The following NAALADL2 variants were observed in gnomAD, a reference collection of about 807,000 sequenced individuals.
NAALADL2 encodes inactive N-acetylated-alpha-linked acidic dipeptidase-like protein 2.
In NAALADL2, 76 loss-of-function variants were observed where a neutral mutation model predicts 87.2. That is an observed-to-expected ratio of 0.87 (90% CI 0.72 to 1.05). The LOEUF (loss-of-function observed/expected upper bound fraction) is 1.05, where lower values mean the gene tolerates loss of function less well. Among genes scored for constraint, NAALADL2 ranks in the 50% least tolerant of loss-of-function variants. The pLI, the probability that NAALADL2 is intolerant of heterozygous loss-of-function variation, is 0.00. For synonymous variants in NAALADL2, 354 were observed against 331.0 expected (o/e 1.07, Z -0.75); for missense variants, 1,089 against 945.8 (o/e 1.15, Z -1.99).
chr3:175,567,031 T>C (rs1207674613), intron 9 of NAALADL2, among the ~76,000 whole-genome samples: 1 of 152,224 alleles, frequency 6.6e-6, no homozygotes, highest in African/African-American at 2.4e-5. Flanking sequence ...TTTTACATTG[T>C]AAAGATGGAT....
chr3:175,479,605 G>T (rs1454244972), intron 9 of NAALADL2, among the ~76,000 whole-genome samples: 1 of 151,668 alleles, frequency 6.6e-6, no homozygotes, highest in Non-Finnish European at 1.5e-5. Flanking sequence ...TCCACAATTT[G>T]CATTTTTCAG....
intron 9 of NAALADL2, among the ~76,000 whole-genome samples, chr3:175,473,424 G>T (rs1052303270): frequency 1.3e-5 from 2 of 151,854 alleles, no homozygotes; most frequent in African/African-American, 4.8e-5. Context: ...GTGTGTCTGT[G>T]TATGTATGTG....
At position 174,732,112 on chromosome 3, in the gene NAALADL2, T is replaced by C. The variant is rs1038105009; in HGVS notation, c.-114-5529T>C. Reference sequence around the variant, plus strand: ...CTAATTCATCAGTAAGAGACTTGTATCTTTTCTCACAAACCATCTGTATCT... The same window carrying C: ...CTAATTCATCAGTAAGAGACTTGTACCTTTTCTCACAAACCATCTGTATCT... On this transcript the variant is annotated intron_variant, in intron 2 of 3. Coordinates refer to the NAALADL2 transcript ENST00000434257. 7.9e-5 allele frequency among the ~76,000 whole-genome samples: 12 copies of C among 152,172 alleles called. No individual in the cohort carries two copies. In the East Asian group the frequency reaches 9.6e-4, roughly 12 times the overall value.
chr3:175,044,065 T>C (rs1754397072), intron 1 of NAALADL2, among the ~76,000 whole-genome samples: 1 of 152,176 alleles, frequency 6.6e-6, no homozygotes. Flanking sequence ...CAATGTTTTA[T>C]AGTTTTCATC....
At chr3:174,853,181 T>G (rs1336686376) in intron 3 of NAALADL2, among the ~76,000 whole-genome samples, 1 of 112,218 alleles carries the variant, frequency 8.9e-6, no homozygotes. Flanking sequence ...CTGGCCAACA[T>G]GGTGAAACCC....
chr3:174,998,597 A>G (rs948490723), intron 1 of NAALADL2, among the ~76,000 whole-genome samples: 19 of 152,158 alleles, frequency 1.2e-4, no homozygotes, highest in African/African-American at 4.6e-4. Flanking sequence ...GTTCAAATCC[A>G]TGTAACCATT....
chr3:175,582,058 G>A (rs62284486), intron 10 of NAALADL2, among the ~76,000 whole-genome samples: 1 of 152,060 alleles, frequency 6.6e-6, no homozygotes, highest in Non-Finnish European at 1.5e-5. Flanking sequence ...AGAAGAGAAG[G>A]TTAAACTCCA....
chr3:175,731,345 C>T (rs1743714834), intron 11 of NAALADL2, among the ~76,000 whole-genome samples: 1 of 152,092 alleles, frequency 6.6e-6, no homozygotes, highest in Non-Finnish European at 1.5e-5. Flanking sequence ...GTAGGTGCTC[C>T]AGGAAATTTG....
chr3:175,343,655 G>GTTTTTT (rs113806607), intron 5 of NAALADL2, among the ~76,000 whole-genome samples: 23 of 64,712 alleles, frequency 3.6e-4, no homozygotes, highest in African/African-American at 4.6e-4. Context: ...TCTTGATCAT[G>GTTTTTT]TTTTTTTTTT....
chr3:175,700,228 C>G (rs1738796037), intron 11 of NAALADL2, among the ~76,000 whole-genome samples: 1 of 151,980 alleles, frequency 6.6e-6, no homozygotes, highest in South Asian at 2.1e-4. Context: ...TTGAACAATG[C>G]TAAGTGCTAT....
At chr3:174,937,216 A>G (rs929979521) in intron 1 of NAALADL2, among the ~76,000 whole-genome samples, 2 of 152,060 alleles carry the variant, frequency 1.3e-5, no homozygotes, top group African/African-American at 2.4e-5. Flanking sequence ...GCATCCCACA[A>G]TACACTCATT....
intron 10 of NAALADL2, among the ~76,000 whole-genome samples, chr3:175,626,922 C>A (rs527496756): frequency 6.6e-6 from 1 of 151,820 alleles, no homozygotes; most frequent in Non-Finnish European, 1.5e-5. Context: ...TGGTCTTGAA[C>A]TTCAGACCAA....
intron 9 of NAALADL2, among the ~76,000 whole-genome samples, chr3:175,490,554 T>TTTG (rs1727918979): frequency 1.3e-5 from 1 of 79,040 alleles, no homozygotes; most frequent in Non-Finnish European, 2.4e-5. Context: ...GCCTGGCTAG[T>TTTG]TTTTTTTTTT....
chr3:175,518,598 T>C (rs1274447633), intron 9 of NAALADL2, among the ~76,000 whole-genome samples: 1 of 152,216 alleles, frequency 6.6e-6, no homozygotes, highest in South Asian at 2.1e-4. Context: ...TTCCTGCTGA[T>C]GGGGACTCTC....
chr3:175,083,080 T>A (rs1330716420), intron 1 of NAALADL2, among the ~76,000 whole-genome samples: 1 of 152,210 alleles, frequency 6.6e-6, no homozygotes, highest in African/African-American at 2.4e-5. Flanking sequence ...CTGAAAGGCA[T>A]ATGTAAATAA....
In NAALADL2 at chr3:175,805,439, G is replaced by A. The variant is rs530361081; in HGVS notation, c.*2236G>A. ...TTTTTATTAGTCTATTAAAAGATACGTGGAGATATTAAATTATACCTAAAG... is the reference window on the plus strand; with the variant it reads ...TTTTTATTAGTCTATTAAAAGATACATGGAGATATTAAATTATACCTAAAG... On this transcript the variant is annotated 3_prime_UTR_variant, in exon 14 of 14. Coordinates refer to ENST00000454872, the MANE Select transcript of NAALADL2 (RefSeq NM_207015.3). The A allele has an allele frequency of 5.3e-5, 8 of 151,844 alleles. No homozygotes were observed. In the East Asian group the frequency reaches 1.4e-3, roughly 26 times the overall value. 9.4% of individuals were successfully genotyped at this position (151,844 alleles called of 1,614,324 possible).
At chr3:175,576,357 A>G (rs1718890443) in intron 10 of NAALADL2, among the ~76,000 whole-genome samples, 170 bp downstream of exon 10, 1 of 152,244 alleles carries the variant, frequency 6.6e-6, no homozygotes, top group Admixed American at 6.5e-5. Context: ...GTATTTGAAA[A>G]CATCAGCTCT....
chr3:175,614,602 T>C (rs1725095301), intron 10 of NAALADL2, among the ~76,000 whole-genome samples: 1 of 152,202 alleles, frequency 6.6e-6, no homozygotes, highest in African/African-American at 2.4e-5. Flanking sequence ...CTATTATATC[T>C]ATAGAAAAGT....
At chr3:175,470,242 T>A (rs1377586870) in intron 8 of NAALADL2, among the ~76,000 whole-genome samples, 1 of 152,038 alleles carries the variant, frequency 6.6e-6, no homozygotes, top group African/African-American at 2.4e-5. Flanking sequence ...CAGCCTGGGG[T>A]ATGGAGGGAA....
Sources: allele counts gnomAD v4.1 joint callset (sites outside exome capture counted in the v4.1 genomes callset), GRCh38; gene constraint gnomAD v4.1.1; transcripts MANE v1.5; gene names NCBI Gene and HGNC (gene_info 2026-07-23, HGNC 2026-07-21).